Variants in ROBO2 observed in about 807,000 individuals in gnomAD.
ROBO2 encodes roundabout homolog 2.
ROBO2 carries 53 observed loss-of-function variants against 160.8 expected under a neutral mutation model. That is an observed-to-expected ratio of 0.33 (90% CI 0.26 to 0.41). ROBO2 has a LOEUF of 0.41. Ranked by LOEUF, ROBO2 falls within the 10% of genes least tolerant of loss-of-function variation. ROBO2 has a pLI of 1.00. For missense variants in ROBO2, 1,577 were observed against 1,722.4 expected (o/e 0.92, Z 1.49); for synonymous variants, 664 against 611.7 (o/e 1.09, Z -1.26).
intron 2 of ROBO2, among the ~76,000 whole-genome samples, chr3:77,356,195 A>G (rs898921167): frequency 1.3e-5 from 2 of 152,226 alleles, no homozygotes; most frequent in Admixed American, 1.3e-4. Flanking sequence ...AGAATGAGCT[A>G]GATCTCAGTT....
At chr3:76,684,656 CACTG>C (rs1250895521) in intron 2 of ROBO2, among the ~76,000 whole-genome samples, 2 of 151,854 alleles carry the variant, frequency 1.3e-5, no homozygotes, top group Non-Finnish European at 1.5e-5. Flanking sequence ...CCAAGAATAT[CACTG>C]ACTAAAACTG....
At chr3:75,964,181 TAA>T (rs1390068146) in intron 2 of ROBO2, among the ~76,000 whole-genome samples, 1 of 151,642 alleles carries the variant, frequency 6.6e-6, no homozygotes, top group African/African-American at 2.4e-5. Context: ...TTTTAACGTA[TAA>T]GAGATGTAGC....
At chr3:76,343,352 C>G (rs934088592) in intron 2 of ROBO2, among the ~76,000 whole-genome samples, 29 of 152,012 alleles carry the variant, frequency 1.9e-4, no homozygotes, top group Admixed American at 1.6e-3. Context: ...GCATGATTTT[C>G]CTAGCTGAGT....
At chr3:75,967,506 C>T (rs1949158762) in intron 2 of ROBO2, among the ~76,000 whole-genome samples, 1 of 151,442 alleles carries the variant, frequency 6.6e-6, no homozygotes, top group South Asian at 2.1e-4. Flanking sequence ...ACAATAACTA[C>T]AATAATTAAG....
At chr3:76,658,269 T>TAA (rs1356480968) in intron 2 of ROBO2, among the ~76,000 whole-genome samples, 2 of 151,908 alleles carry the variant, frequency 1.3e-5, no homozygotes, top group African/African-American at 4.8e-5. Context: ...TCTATGTACA[T>TAA]ATTAACAGGT....
intron 2 of ROBO2, among the ~76,000 whole-genome samples, chr3:76,478,178 T>TC (rs1295886138): frequency 3.3e-4 from 14 of 42,912 alleles, no homozygotes; most frequent in East Asian, 1.8e-3. Flanking sequence ...CCCTCCCCCC[T>TC]CCCCCCCACC....
At chr3:76,051,706 G>T (rs1438720994) in intron 2 of ROBO2, among the ~76,000 whole-genome samples, 1 of 152,028 alleles carries the variant, frequency 6.6e-6, no homozygotes, top group African/African-American at 2.4e-5. Context: ...AAAAGATCAG[G>T]TTCACGTATA....
chr3:76,025,371 G>C (rs2066708898), intron 2 of ROBO2, among the ~76,000 whole-genome samples: 2 of 151,652 alleles, frequency 1.3e-5, no homozygotes, highest in South Asian at 4.1e-4. Flanking sequence ...GAAGGGGAGA[G>C]ATTGATTTTG....
intron 2 of ROBO2, among the ~76,000 whole-genome samples, chr3:76,279,236 A>G (rs1708102035): frequency 6.6e-6 from 1 of 151,650 alleles, no homozygotes; most frequent in Non-Finnish European, 1.5e-5. Flanking sequence ...TCCCTATGTA[A>G]TTAGATAGAT....
chr3:76,843,794 C>G (rs1160714), intron 2 of ROBO2, among the ~76,000 whole-genome samples: 40,059 of 151,712 alleles, frequency 0.26, 5,697 homozygotes, highest in East Asian at 0.45. Flanking sequence ...TTTTATAAGT[C>G]CTGTTCTAAA....
intron 2 of ROBO2, among the ~76,000 whole-genome samples, chr3:77,129,710 A>T (rs1223248582): frequency 6.6e-6 from 1 of 152,164 alleles, no homozygotes; most frequent in East Asian, 1.9e-4. Context: ...AGGTGCAGGC[A>T]TTGCAGTTTT....
intron 2 of ROBO2, among the ~76,000 whole-genome samples, chr3:76,833,198 G>A (rs2067234965): frequency 6.6e-6 from 1 of 152,116 alleles, no homozygotes; most frequent in Non-Finnish European, 1.5e-5. Context: ...GAAAACAAAG[G>A]AGAGGGTTTC....
intron 2 of ROBO2, among the ~76,000 whole-genome samples, chr3:76,458,488 T>C (rs1376028635): frequency 6.6e-6 from 1 of 152,154 alleles, no homozygotes; most frequent in African/African-American, 2.4e-5. Context: ...TTCGAAACTT[T>C]CCCACATTTT....
intron 2 of ROBO2, among the ~76,000 whole-genome samples, chr3:76,798,488 T>C (rs1288224571): frequency 6.6e-6 from 1 of 152,220 alleles, no homozygotes; most frequent in Non-Finnish European, 1.5e-5. Flanking sequence ...TCAGTCAATG[T>C]GATACATCAT....
intron 2 of ROBO2, among the ~76,000 whole-genome samples, chr3:76,103,687 G>A (rs943122950): frequency 3.9e-5 from 6 of 152,136 alleles, no homozygotes; most frequent in Non-Finnish European, 5.9e-5. Flanking sequence ...CATTTGAAAA[G>A]GTTACTTAAA....
intron 2 of ROBO2, among the ~76,000 whole-genome samples, chr3:76,280,948 A>G (rs930710605): frequency 6.6e-6 from 1 of 151,936 alleles, no homozygotes; most frequent in African/African-American, 2.4e-5. Flanking sequence ...GGGAATATGT[A>G]CTGGAGCCAC....
chr3:77,032,660 C>T (rs1350748864), intron 2 of ROBO2, among the ~76,000 whole-genome samples: 1 of 152,112 alleles, frequency 6.6e-6, no homozygotes, highest in South Asian at 2.1e-4. Flanking sequence ...CATTACAAGA[C>T]ATCTGTTGCT....
intron 2 of ROBO2, among the ~76,000 whole-genome samples, chr3:75,944,363 T>C (rs987053559): frequency 6.6e-6 from 1 of 152,166 alleles, no homozygotes; most frequent in Non-Finnish European, 1.5e-5. Flanking sequence ...TTAATTCTTA[T>C]TGTTCCTTTC....
At chr3:76,717,735 C>G (rs2093404711) in intron 2 of ROBO2, among the ~76,000 whole-genome samples, 1 of 152,080 alleles carries the variant, frequency 6.6e-6, no homozygotes, top group Admixed American at 6.6e-5. Flanking sequence ...AAAAGAATCT[C>G]TATAATTTGC....
Sources: gnomAD v4.1 joint callset for allele counts (sites outside exome capture counted in the v4.1 genomes callset) on GRCh38, gnomAD v4.1.1 for gene constraint, MANE v1.5 for transcripts, NCBI Gene and HGNC (gene_info 2026-07-23, HGNC 2026-07-21) for gene names.